Variants in CD84 observed in about 807,000 individuals in gnomAD.
The protein encoded by CD84 is SLAM family member 5.
CD84 carries 22 observed loss-of-function variants against 33.8 expected under a neutral mutation model. That is an observed-to-expected ratio of 0.65 (90% CI 0.46 to 0.93). The LOEUF is 0.93. Ranked by LOEUF, CD84 falls within the 40% of genes least tolerant of loss-of-function variation. The pLI is 0.00. For missense variants in CD84, 400 were observed against 397.6 expected, an observed-to-expected ratio of 1.01 and a Z score of -0.05; for synonymous variants, 154 against 145.2, an observed-to-expected ratio of 1.06 and a Z score of -0.44.
At position 160,570,514 on chromosome 1, in the gene CD84, G is replaced by T. The variant is rs1657625448; in HGVS notation, c.47-4769C>A. On this transcript the variant is annotated intron_variant, in intron 1 of 6. Coordinates refer to ENST00000368054, the MANE Select transcript of CD84 (RefSeq NM_003874.4). Reference sequence around the variant, plus strand: ...TAGCTAACGTTGGTCATATGACTAAGTTCAGCCCAACAGAATAAAAATGGA... The same window carrying T: ...TAGCTAACGTTGGTCATATGACTAATTTCAGCCCAACAGAATAAAAATGGA... Among the ~76,000 whole-genome samples the T allele has an allele frequency of 2.0e-5, 3 of 152,152 alleles. No homozygotes were observed. The South Asian group carries it at 6.2e-4, about 32-fold the overall frequency.
rs1571333107 is a variant in CD84 at position 160,541,213 on chromosome 1, T to G, written c.*7043A>C. The G allele has an allele frequency of 6.6e-6, 1 of 152,238 alleles. No individual in the cohort carries two copies. The highest frequency in any genetic ancestry group is 2.4e-5 in the African/African-American group (1 of 41,464). The allele number at this position is 152,238 out of a possible 1,614,324, so 9.4% of individuals were successfully genotyped here. A position where few individuals can be genotyped will look rare whatever the true frequency, so the allele number is the denominator to read the frequency against. On this transcript the variant is annotated 3_prime_UTR_variant, in exon 7 of 7. Transcript: ENST00000368054. ...TACTTTATTAATGGGCATTTACAAA[T>G]GCCTGAAATAAAAGGTGACTTGTAG...
chr1:160,565,879 T>A, intron 1 of CD84, 134 bp from the exon 2 acceptor site: 1 of 674,416 alleles, frequency 1.5e-6, no homozygotes, highest in Admixed American at 3.4e-5. Flanking sequence ...TGCCTTTTTT[T>A]TTTTTTGGCA....
At chr1:160,561,059 C>A (rs977662917) in intron 2 of CD84, among the ~76,000 whole-genome samples, 1 of 152,028 alleles carries the variant, frequency 6.6e-6, no homozygotes, top group Non-Finnish European at 1.5e-5. Context: ...CAGGACCAGA[C>A]AGATTCACAG....
chr1:160,575,797 C>T (rs1503855), intron 1 of CD84, among the ~76,000 whole-genome samples: 121,082 of 152,080 alleles, frequency 0.8, 49,449 homozygotes, highest in Non-Finnish European at 0.91. Flanking sequence ...GGCTTGGCAC[C>T]GACCATCAGG....
At chr1:160,569,736 C>T (rs1294592835) in intron 1 of CD84, among the ~76,000 whole-genome samples, 1 of 152,070 alleles carries the variant, frequency 6.6e-6, no homozygotes, top group Admixed American at 6.6e-5. Context: ...GAATAGAATT[C>T]TACTTGATGG....
chr1:160,548,547 C>T (rs766675380), intron 6 of CD84, among the ~76,000 whole-genome samples: 2 of 152,032 alleles, frequency 1.3e-5, no homozygotes, highest in Non-Finnish European at 2.9e-5. Context: ...CTTCTTAGCC[C>T]AGAAAAGAGC....
chr1:160,548,411 T>A, intron 6 of CD84, 90 bp from the exon 7 acceptor site: 1 of 1,329,718 alleles, frequency 7.5e-7, no homozygotes, highest in Non-Finnish European at 1.1e-6. Context: ...GTTAAGCAAA[T>A]GGCACGGGGG....
Position 160,553,970 on chromosome 1 carries a change from G to C in CD84, c.565C>G (p.Leu189Val). 6.2e-7 allele frequency: 1 copy of C among 1,614,218 alleles called. No individual in the cohort carries two copies. Among genetic ancestry groups the C allele is most frequent in the South Asian group, 1.1e-5 (1 of 91,092 alleles). Residue 189 changes from leucine (L) to valine (V), a missense_variant, in exon 3 of 7, where the codon CTG (leucine) becomes GTG (valine). Transcript: ENST00000368054. ...QIFQTPEDQE[L>V]TYTCTAQNPV... Reference sequence around the variant, plus strand: ...TTCTGGGCTGTACACGTGTAAGTCAGCTCTTGGTCCTCAGGAGTCTGGAAG... The same window carrying C: ...TTCTGGGCTGTACACGTGTAAGTCACCTCTTGGTCCTCAGGAGTCTGGAAG...
At chr1:160,564,943 T>A (rs1280306010) in intron 2 of CD84, among the ~76,000 whole-genome samples, 1 of 152,238 alleles carries the variant, frequency 6.6e-6, no homozygotes, top group African/African-American at 2.4e-5. Flanking sequence ...TAGATTGTGC[T>A]AATGTCAATT....
intron 1 of CD84, chr1:160,571,233 T>C (rs779440199): frequency 6.6e-6 from 1 of 151,988 alleles, no homozygotes; most frequent in Non-Finnish European, 1.5e-5. Context: ...GGAGGGTCAT[T>C]CAGGAAGAGT....
rs369942340 is a variant in CD84, at chr1:160,553,545, A to T, written c.641-48T>A. On this transcript the variant is annotated intron_variant, in intron 3 of 6. Transcript: ENST00000368054. The stretch of plus-strand genomic sequence containing the variant: ...GTCTTGATTCTCAGGAAATAGGCCC[A>T]AGAGGCTGGGCAGGTTTGCCCACAG... The T allele has an allele frequency of 2.5e-5, 41 of 1,610,494 alleles. 1 individual carries two copies. In the African/African-American group the frequency reaches 5.1e-4, roughly 20 times the overall value.
In CD84 at chr1:160,546,472, A is replaced by G. The variant is rs11585738; in HGVS notation, c.*1784T>C. On this transcript the variant is annotated 3_prime_UTR_variant, in exon 7 of 7. Transcript: ENST00000368054. ...CCAGGGAAAGCTTTACAGAAGAGGT[A>G]CCTTTTGAGGTGGGCATTGAAGGAC... 0.23 allele frequency: 35,199 copies of G among 152,196 alleles called. 4,689 individuals carry two copies. The highest frequency in any genetic ancestry group is 0.38 in the Middle Eastern group (111 of 294). 9.4% of individuals were successfully genotyped at this position (152,196 alleles called of 1,614,324 possible). A position where few individuals can be genotyped will look rare whatever the true frequency, so the allele number is the denominator to read the frequency against.
intron 2 of CD84, among the ~76,000 whole-genome samples, chr1:160,555,327 C>T (rs1050174667): frequency 1.3e-5 from 2 of 152,124 alleles, no homozygotes; most frequent in African/African-American, 2.4e-5. Context: ...TCGTGATCCA[C>T]CCGCCTCGGC....
At chr1:160,549,226 C>T (rs576420690) in intron 6 of CD84, among the ~76,000 whole-genome samples, 1 of 152,126 alleles carries the variant, frequency 6.6e-6, no homozygotes, top group African/African-American at 2.4e-5. Context: ...ACTCTCAATT[C>T]GTACTCAGTT....
rs894256113 is a variant in CD84 at position 160,544,192 on chromosome 1, C to A, written c.*4064G>T. On this transcript the variant is annotated 3_prime_UTR_variant, in exon 7 of 7. Coordinates refer to ENST00000368054, the MANE Select transcript of CD84 (RefSeq NM_003874.4). ...TGAGACGGAGTCTCACTCTCTCGCC[C>A]AGGCTGGAGTGCAGTGGCGTGATCT... 6.9e-6 allele frequency: 1 copy of A among 145,930 alleles called. No individual in the cohort carries two copies. The highest frequency in any genetic ancestry group is 2.5e-5 in the African/African-American group (1 of 39,472). The allele number at this position is 145,930 out of a possible 1,614,324, so 9.0% of individuals were successfully genotyped here.
chr1:160,565,150 T>C (rs1299831387), intron 2 of CD84, among the ~76,000 whole-genome samples: 1 of 152,014 alleles, frequency 6.6e-6, no homozygotes, highest in Admixed American at 6.6e-5. Context: ...AGTATGATCA[T>C]TGACATTATG....
chr1:160,578,594 A>G (rs1474815081), intron 1 of CD84, among the ~76,000 whole-genome samples: 1 of 152,190 alleles, frequency 6.6e-6, no homozygotes, highest in African/African-American at 2.4e-5. Flanking sequence ...GTAGATCTAG[A>G]AGTTCCAAAC....
intron 2 of CD84, among the ~76,000 whole-genome samples, chr1:160,563,726 A>G (rs1177317838): frequency 6.6e-6 from 1 of 152,186 alleles, no homozygotes; most frequent in African/African-American, 2.4e-5. Context: ...CATCCTGCAC[A>G]TGTACCCCTG....
chr1:160,563,970 A>C (rs939226660), intron 2 of CD84, among the ~76,000 whole-genome samples: 1 of 152,078 alleles, frequency 6.6e-6, no homozygotes, highest in Non-Finnish European at 1.5e-5. Flanking sequence ...AATAATCCAG[A>C]GATAACATTA....
Sources: gnomAD v4.1 joint callset for allele counts (sites outside exome capture counted in the v4.1 genomes callset) on GRCh38, gnomAD v4.1.1 for gene constraint, MANE v1.5 for transcripts, NCBI Gene and HGNC (gene_info 2026-07-23, HGNC 2026-07-21) for gene names.